Variants in LY9 observed in about 807,000 individuals in gnomAD.
LY9 encodes lymphocyte antigen 9, also known as T-lymphocyte surface antigen Ly-9.
LY9 carries 59 observed loss-of-function variants against 64.6 expected under a neutral mutation model. The ratio of observed to expected loss-of-function variants is 0.91; its 90% CI spans 0.74 to 1.13. The LOEUF (loss-of-function observed/expected upper bound fraction) is 1.13, where lower values mean the gene tolerates loss of function less well. Among genes scored for constraint, LY9 ranks in the 50% most tolerant of loss-of-function variants. The probability of loss-of-function intolerance (pLI) is 0.00; values close to 1 mark genes in which losing one functional copy is unlikely to be tolerated. For missense variants in LY9, 789 were observed against 797.2 expected (o/e 0.99, Z 0.12); for synonymous variants, 281 against 308.5 (o/e 0.91, Z 0.93).
intron 5 of LY9, 143 bp from the exon 6 acceptor site, chr1:160,818,075 T>C (rs1179147255): frequency 2.2e-5 from 14 of 631,946 alleles, no homozygotes; most frequent in Non-Finnish European, 4.0e-5. Context: ...CGAAAAATGG[T>C]TGTAGAATGA....
intron 9 of LY9, among the ~76,000 whole-genome samples, chr1:160,826,890 T>A (rs1668878761): frequency 1.3e-5 from 2 of 152,124 alleles, no homozygotes; most frequent in Non-Finnish European, 1.5e-5. Context: ...TGTGTTTGGG[T>A]CAATACCGGT....
At chr1:160,827,045 GAGCCAA>G (rs1432544489) in intron 9 of LY9, among the ~76,000 whole-genome samples, 6 of 152,158 alleles carry the variant, frequency 3.9e-5, no homozygotes, top group Non-Finnish European at 8.8e-5. Flanking sequence ...TGCATTTCCT[GAGCCAA>G]ACTCTTGACA....
intron 2 of LY9, among the ~76,000 whole-genome samples, chr1:160,808,609 C>G (rs1667201873): frequency 1.3e-5 from 2 of 152,192 alleles, no homozygotes; most frequent in South Asian, 4.1e-4. Context: ...TGGGAAATCA[C>G]TCCCAGCTCC....
At chr1:160,818,652 C>T (rs1410930770) in intron 6 of LY9, among the ~76,000 whole-genome samples, 1 of 152,102 alleles carries the variant, frequency 6.6e-6, no homozygotes, top group Non-Finnish European at 1.5e-5. Context: ...CATCAGAGCT[C>T]TCCACCTTTC....
intron 4 of LY9, 53 bp from the exon 5 acceptor site, chr1:160,816,541 A>G (rs773782800): frequency 4.6e-6 from 7 of 1,521,320 alleles, no homozygotes; most frequent in Non-Finnish European, 6.2e-6. Context: ...AAGACAGGTG[A>G]CTGCTCAGGG....
chr1:160,809,306 C>T (rs1375478689), intron 2 of LY9, among the ~76,000 whole-genome samples: 3 of 151,304 alleles, frequency 2.0e-5, no homozygotes, highest in African/African-American at 7.3e-5. Flanking sequence ...AGGTACTTGC[C>T]ACCATGCCCA....
At chr1:160,805,536 G>T (rs181151364) in intron 2 of LY9, among the ~76,000 whole-genome samples, 2 of 152,214 alleles carry the variant, frequency 1.3e-5, no homozygotes, top group East Asian at 1.9e-4. Flanking sequence ...CCTGGAGAAT[G>T]CTTCATCTAC....
chr1:160,799,670 C>T, intron 1 of LY9, 83 bp from the exon 2 acceptor site: 2 of 821,152 alleles, frequency 2.4e-6, no homozygotes, highest in Non-Finnish European at 4.0e-6. Flanking sequence ...CATTTATGCC[C>T]AATGTATATT....
intron 9 of LY9, among the ~76,000 whole-genome samples, chr1:160,825,579 A>G (rs1337187712): frequency 6.6e-6 from 1 of 151,948 alleles, no homozygotes; most frequent in Non-Finnish European, 1.5e-5. Context: ...ATCTCCCCCA[A>G]ATTCCCTCCC....
At chr1:160,802,937 A>T (rs1666641748) in intron 2 of LY9, among the ~76,000 whole-genome samples, 1 of 152,134 alleles carries the variant, frequency 6.6e-6, no homozygotes, top group Non-Finnish European at 1.5e-5. Flanking sequence ...CTTTTTGCTT[A>T]GCATTGCTAT....
intron 2 of LY9, among the ~76,000 whole-genome samples, chr1:160,803,215 G>A (rs1486080330): frequency 5.3e-5 from 8 of 152,156 alleles, no homozygotes; most frequent in African/African-American, 1.2e-4. Flanking sequence ...CTGGGAGGCA[G>A]AGGTTGCAGT....
At position 160,814,538 on chromosome 1, in the gene LY9, G is replaced by T. The variant is rs1048759883; in HGVS notation, c.849G>T (p.Leu283Phe). ...ACRDTEKVVW[L>F]FNTSIISKER... ...GGGACACAGAGAAGGTTGTCTGGTT[G>T]TTTAACACATCCATCATTAGCAAAG... The change falls in exon 4 of 10, where the codon TTG becomes TTT. Residue 283 changes from leucine (L) to phenylalanine (F), a missense_variant. Physicochemically the swap from Leu to Phe is conservative, Grantham distance 22. Transcript: ENST00000263285. 1 of 1,614,156 alleles carries T rather than the reference G, an allele frequency of 6.2e-7. No individual in the cohort carries two copies. Among genetic ancestry groups the T allele is most frequent in the Non-Finnish European group, 8.5e-7 (1 of 1,180,038 alleles).
intron 2 of LY9, among the ~76,000 whole-genome samples, chr1:160,806,652 T>G (rs1186115223): frequency 6.6e-6 from 1 of 152,206 alleles, no homozygotes; most frequent in Non-Finnish European, 1.5e-5. Flanking sequence ...CTCTTACTGT[T>G]TTTATGATTT....
intron 2 of LY9, among the ~76,000 whole-genome samples, chr1:160,809,479 A>G (rs1346984442): frequency 6.6e-6 from 1 of 151,984 alleles, no homozygotes; most frequent in African/African-American, 2.4e-5. Context: ...AGCTGGGACT[A>G]CAGGCATGTG....
chr1:160,824,530 G>A, intron 9 of LY9: 1 of 985,172 alleles, frequency 1.0e-6, no homozygotes, highest in Non-Finnish European at 1.2e-6. Flanking sequence ...AAACAAGGTA[G>A]GGTCTTTATA....
intron 2 of LY9, chr1:160,801,704 T>C: frequency 5.8e-6 from 6 of 1,027,522 alleles, no homozygotes; most frequent in Non-Finnish European, 7.5e-6. Flanking sequence ...TTCAAGTCTT[T>C]TAACTGATTT....
chr1:160,819,356 G>A lies in LY9; in HGVS notation c.1480G>A (p.Ala494Thr), dbSNP rs1360941066. Residue 494 changes from alanine (A) to threonine (T), a missense_variant, in exon 7 of 10, where the codon GCC (alanine) becomes ACC (threonine). Transcript: ENST00000263285. ...AGCCTTCTGTTCCAGCCAAGCTGAG[G>A]CCCCAGCGGATACACCAGGTAACAT... ...VPAFCSSQAEAPADTPEPTAG... is the reference protein window; with the variant it reads ...VPAFCSSQAETPADTPEPTAG... 1.9e-6 allele frequency: 3 copies of A among 1,613,464 alleles called. No homozygotes were observed. Among genetic ancestry groups the A allele is most frequent in the Non-Finnish European group, 2.5e-6 (3 of 1,179,676 alleles).
chr1:160,811,586 T>A (rs1667478425), intron 2 of LY9: 1 of 152,194 alleles, frequency 6.6e-6, no homozygotes, highest in African/African-American at 2.4e-5. Flanking sequence ...CACAGCTAAG[T>A]ACCCAAATTT....
chr1:160,825,542 C>T (rs748176720), intron 9 of LY9, among the ~76,000 whole-genome samples: 9 of 152,094 alleles, frequency 5.9e-5, no homozygotes, highest in Non-Finnish European at 8.8e-5. Context: ...CTGAAAACAT[C>T]GTGTCCATTC....
Sources: gnomAD v4.1 joint callset for allele counts (sites outside exome capture counted in the v4.1 genomes callset) on GRCh38, gnomAD v4.1.1 for gene constraint, MANE v1.5 for transcripts, NCBI Gene and HGNC (gene_info 2026-07-23, HGNC 2026-07-21) for gene names.